The following RHEB variants were observed in gnomAD, a reference collection of about 807,000 sequenced individuals.
RHEB encodes the protein Ras homolog, mTORC1 binding.
In RHEB, 2 loss-of-function variants were observed where a neutral mutation model predicts 28.8. The observed-to-expected ratio is 0.07, with a 90% CI of 0.03 to 0.22. The LOEUF is 0.22. RHEB is among the 10% of genes least tolerant of loss of function. The pLI, the probability that RHEB is intolerant of heterozygous loss-of-function variation, is 1.00. For synonymous variants in RHEB, 69 were observed against 77.3 expected (o/e 0.89, Z 0.56); for missense variants, 76 against 219.9 (o/e 0.35, Z 4.14).
chr7:151,495,223 T>C (rs1802653024), intron 1 of RHEB, among the ~76,000 whole-genome samples: 1 of 152,196 alleles, frequency 6.6e-6, no homozygotes. Context: ...AAATGTTACA[T>C]GAAAACTACA....
intron 1 of RHEB, chr7:151,502,445 G>A: frequency 1.2e-6 from 1 of 821,152 alleles, no homozygotes; most frequent in South Asian, 1.3e-5. Flanking sequence ...TTATAACAAA[G>A]TACCTCCAGA....
intron 3 of RHEB, among the ~76,000 whole-genome samples, chr7:151,482,325 A>G (rs1331337386): frequency 1.3e-5 from 2 of 152,148 alleles, no homozygotes; most frequent in African/African-American, 2.4e-5. Flanking sequence ...GCTCACTGCA[A>G]CCTCAAACTC....
At chr7:151,474,730 TTA>T (rs1802243442) in intron 4 of RHEB, among the ~76,000 whole-genome samples, 1 of 152,236 alleles carries the variant, frequency 6.6e-6, no homozygotes, top group African/African-American at 2.4e-5. Context: ...TACAGGGGTT[TTA>T]TGATATAAAG....
chr7:151,490,398 T>G (rs1224796178), intron 2 of RHEB, among the ~76,000 whole-genome samples: 1 of 152,256 alleles, frequency 6.6e-6, no homozygotes, highest in Non-Finnish European at 1.5e-5. Context: ...CCCTGCTTTT[T>G]TCTGCACATG....
intron 1 of RHEB, among the ~76,000 whole-genome samples, chr7:151,494,935 C>G (rs1046605720): frequency 2.6e-5 from 4 of 152,180 alleles, no homozygotes; most frequent in Non-Finnish European, 5.9e-5. Flanking sequence ...CATAAATAAA[C>G]CCCACCGCTC....
intron 1 of RHEB, among the ~76,000 whole-genome samples, chr7:151,496,547 C>T (rs1802676243): frequency 6.6e-6 from 1 of 152,114 alleles, no homozygotes; most frequent in Admixed American, 6.5e-5. Context: ...CTCAGTTATA[C>T]ATACATTTAT....
Position 151,472,441 on chromosome 7 carries a change from CG to C in RHEB, c.276-837del, listed in dbSNP as rs1291176236. On this transcript the variant is annotated intron_variant, in intron 4 of 7. Transcript: ENST00000262187. The surrounding 1 kb of genome is among the most constrained non-coding windows in gnomAD (Gnocchi z 5.2). ...CCTCTGATGGGTGGCCATCTTTACT[CG>C]GCCCCAGTGACTCTCAAGCCGCAAA... 6.6e-6 allele frequency among the ~76,000 whole-genome samples: 1 copy of C among 152,156 alleles called. No individual in the cohort carries two copies. Among genetic ancestry groups the C allele is most frequent in the Non-Finnish European group, 1.5e-5 (1 of 68,034 alleles).
chr7:151,477,844 G>T (rs948784169), intron 3 of RHEB, among the ~76,000 whole-genome samples: 6 of 152,086 alleles, frequency 3.9e-5, no homozygotes, highest in Admixed American at 6.5e-5. Flanking sequence ...TTTATTCTCT[G>T]CATGTCAGTC....
intron 1 of RHEB, among the ~76,000 whole-genome samples, chr7:151,515,188 G>A (rs1477301538): frequency 6.6e-6 from 1 of 152,096 alleles, no homozygotes; most frequent in East Asian, 1.9e-4. Context: ...AGCGACATAT[G>A]CTACAACATG....
intron 1 of RHEB, among the ~76,000 whole-genome samples, chr7:151,498,793 C>G (rs546066723): frequency 6.7e-6 from 1 of 149,606 alleles, no homozygotes; most frequent in African/African-American, 2.6e-5. Flanking sequence ...GACAGAATCC[C>G]TTTTGTAGAA....
intron 3 of RHEB, among the ~76,000 whole-genome samples, chr7:151,484,032 C>T (rs1485592921): frequency 1.3e-5 from 2 of 152,074 alleles, no homozygotes; most frequent in African/African-American, 4.8e-5. Flanking sequence ...AATTGAAACT[C>T]CCTAATCTAG....
intron 1 of RHEB, chr7:151,497,941 G>C (rs1802702665): frequency 1.1e-5 from 4 of 372,852 alleles, no homozygotes; most frequent in Middle Eastern, 3.7e-4. Flanking sequence ...AATCCAACGG[G>C]GCATATTGAT....
intron 1 of RHEB, chr7:151,503,458 G>T: frequency 8.7e-7 from 1 of 1,155,378 alleles, no homozygotes; most frequent in South Asian, 1.2e-5. Context: ...TGACCTTGAT[G>T]ACTAGACATG....
chr7:151,467,329 G>T, intron 7 of RHEB, 118 bp from the exon 8 acceptor site: 1 of 730,844 alleles, frequency 1.4e-6, no homozygotes. Context: ...AGGAGGAGGG[G>T]TTCTGGTGAG....
intron 1 of RHEB, chr7:151,517,753 C>T (rs1803107464): frequency 6.6e-6 from 1 of 151,320 alleles, no homozygotes; most frequent in African/African-American, 2.4e-5. Context: ...GCTACCATTT[C>T]GACATTTGAA....
intron 4 of RHEB, 172 bp from the exon 5 acceptor site, chr7:151,471,777 T>C: frequency 1.8e-6 from 1 of 570,254 alleles, no homozygotes; most frequent in Non-Finnish European, 3.1e-6. Context: ...CACATGTGCA[T>C]ACATCTGACA....
At position 151,480,581 on chromosome 7, in the gene RHEB, C is replaced by T. The variant is rs1021444900; in HGVS notation, c.193-3166G>A. On this transcript the variant is annotated intron_variant, in intron 3 of 7. Transcript: ENST00000262187. ...TGGCACTATTTATTTTTGTACCATG[C>T]GCATTACACCTATTTTTTAAAAATT... Among the ~76,000 whole-genome samples the T allele has an allele frequency of 4.6e-5, 7 of 151,972 alleles. No individual in the cohort carries two copies. The South Asian group carries it at 6.2e-4, about 14-fold the overall frequency.
intron 1 of RHEB, among the ~76,000 whole-genome samples, chr7:151,513,185 C>G (rs1336124944): frequency 6.6e-6 from 1 of 152,138 alleles, no homozygotes. Flanking sequence ...ATGGTTGTTT[C>G]CAAAAAAAGC....
intron 3 of RHEB, among the ~76,000 whole-genome samples, chr7:151,480,689 A>AT (rs57126783): frequency 6.8e-4 from 100 of 147,834 alleles, no homozygotes; most frequent in Non-Finnish European, 9.3e-4. Context: ...ATTAATTATT[A>AT]TTTTTTTTTT....
Sources: gnomAD v4.1 joint callset for allele counts (sites outside exome capture counted in the v4.1 genomes callset) on GRCh38, gnomAD v4.1.1 for gene constraint, Gnocchi (gnomAD v3.1) non-coding constraint, MANE v1.5 for transcripts, NCBI Gene and HGNC (gene_info 2026-07-23, HGNC 2026-07-21) for gene names.